ZBTB17: variants seen among roughly 807,000 people sequenced by gnomAD.
ZBTB17 encodes the protein zinc finger and BTB domain-containing protein 17.
ZBTB17 carries 24 observed loss-of-function variants against 85.1 expected under a neutral mutation model. That is an observed-to-expected ratio of 0.28 (90% confidence interval 0.20 to 0.40). The LOEUF is 0.40. Among genes scored for constraint, ZBTB17 ranks in the 10% least tolerant of loss-of-function variants. ZBTB17 has a pLI of 1.00. For missense variants in ZBTB17, 743 were observed against 1,105.1 expected, an observed-to-expected ratio of 0.67 and a Z score of 4.65; for synonymous variants, 464 against 460.2, an observed-to-expected ratio of 1.01 and a Z score of -0.11.
At chr1:15,965,311 CTG>C (rs2072404670) in intron 2 of ZBTB17, among the ~76,000 whole-genome samples, 1 of 152,214 alleles carries the variant, frequency 6.6e-6, no homozygotes, top group East Asian at 1.9e-4. Flanking sequence ...GCAAGACAAT[CTG>C]TTGTTTCCGA....
chr1:15,956,270 C>T (rs1287050533), intron 2 of ZBTB17, among the ~76,000 whole-genome samples: 1 of 152,236 alleles, frequency 6.6e-6, no homozygotes, highest in Admixed American at 6.5e-5. Context: ...GTTTAATAAA[C>T]TCACTGCAAG....
intron 9 of ZBTB17, 111 bp downstream of exon 9, chr1:15,944,174 GGGTGAACAAGCTGAT>G: frequency 7.4e-7 from 1 of 1,355,486 alleles, no homozygotes; most frequent in African/African-American, 1.8e-5. Context: ...CCTGTTTCCT[GGGTGAACAAGCTGAT>G]GAGCTCCTGG....
chr1:15,962,694 C>A (rs1309352005), intron 2 of ZBTB17, among the ~76,000 whole-genome samples: 1 of 152,178 alleles, frequency 6.6e-6, no homozygotes, highest in African/African-American at 2.4e-5. Context: ...AGATCCTGAG[C>A]CTGTACCAAA....
chr1:15,948,593 A>G, intron 2 of ZBTB17, 96 bp from the exon 3 acceptor site: 1 of 1,302,380 alleles, frequency 7.7e-7, no homozygotes, highest in Non-Finnish European at 1.1e-6. Context: ...CACCATGGAG[A>G]AGACAGAATT....
chr1:15,953,749 G>A lies in ZBTB17; in HGVS notation c.-2-5252C>T, dbSNP rs778230751. ...TGGATCTGGGTTCCACCAGCCACCC[G>A]CAGGTGATCTCCAGCAAAGCTTCTC... On this transcript the variant is annotated intron_variant, in intron 2 of 15. Coordinates refer to ENST00000375743, the MANE Select transcript of ZBTB17 (RefSeq NM_003443.3). The surrounding 1 kb of genome is among the most constrained non-coding windows in gnomAD (Gnocchi z 5.1). Among the ~76,000 whole-genome samples the A allele has an allele frequency of 2.6e-5, 4 of 152,196 alleles. No homozygotes were observed. Among genetic ancestry groups the A allele is most frequent in the Admixed American group, 6.5e-5 (1 of 15,284 alleles).
At chr1:15,957,251 C>T (rs1376516432) in intron 2 of ZBTB17, among the ~76,000 whole-genome samples, 1 of 151,884 alleles carries the variant, frequency 6.6e-6, no homozygotes, top group Non-Finnish European at 1.5e-5. Flanking sequence ...AAGCAAAGAC[C>T]TGAATGAGGT....
intron 2 of ZBTB17, among the ~76,000 whole-genome samples, chr1:15,967,905 G>C (rs940145240): frequency 6.6e-6 from 1 of 152,234 alleles, no homozygotes; most frequent in Admixed American, 6.5e-5. Flanking sequence ...TTAGGAGTTT[G>C]TGTTCCTAAC....
chr1:15,974,561 G>A (rs2072791793), intron 1 of ZBTB17, among the ~76,000 whole-genome samples: 2 of 151,532 alleles, frequency 1.3e-5, no homozygotes, highest in Admixed American at 1.3e-4. Context: ...CCAGACCACA[G>A]CTTGCTGCTG....
At chr1:15,954,930 G>A (rs759556161) in intron 2 of ZBTB17, among the ~76,000 whole-genome samples, 2 of 152,162 alleles carry the variant, frequency 1.3e-5, no homozygotes, top group African/African-American at 4.8e-5. Flanking sequence ...CGAGGCTGGC[G>A]GATCACTTGA....
rs2071479842 is a variant in ZBTB17, at chr1:15,944,102, T to C, written c.1371+198A>G. On this transcript the variant is annotated intron_variant, in intron 9 of 15. Coordinates refer to ENST00000375743, the MANE Select transcript of ZBTB17 (RefSeq NM_003443.3). ...ATTTTTTCAGGACCAAACCCCGCCC[T>C]GAGTCGGCCTGCCCTCCGCAGAGCA... 5 of 1,018,816 alleles carry C rather than the reference T, an allele frequency of 4.9e-6. No individual in the cohort carries two copies. The East Asian group carries it at 1.3e-4, about 26-fold the overall frequency. 63.1% of individuals were successfully genotyped at this position (1,018,816 alleles called of 1,614,324 possible).
chr1:15,947,361 A>G, intron 3 of ZBTB17: 1 of 527,580 alleles, frequency 1.9e-6, no homozygotes, highest in Admixed American at 3.1e-5. Flanking sequence ...CACAGAGAAC[A>G]AAAGGTGTGA....
At position 15,964,609 on chromosome 1, in the gene ZBTB17, T is replaced by A. The variant is rs974207005; in HGVS notation, c.-3+8430A>T. Among the ~76,000 whole-genome samples the A allele has an allele frequency of 6.6e-6, 1 of 151,850 alleles. No individual in the cohort carries two copies. The highest frequency in any genetic ancestry group is 2.4e-5 in the African/African-American group (1 of 41,296). On this transcript the variant is annotated intron_variant, in intron 2 of 15. Transcript: ENST00000375743. This position sits in a 1 kb window ranked among gnomAD's most constrained non-coding sequence, Gnocchi z 4.3. ...GCGTGTGCCTCTAGTCTCAGCTACT[T>A]GGGAGGCTGAGGCGGAAGGATAGCT...
intron 2 of ZBTB17, among the ~76,000 whole-genome samples, chr1:15,959,031 G>A (rs1321562318): frequency 1.3e-5 from 2 of 152,168 alleles, no homozygotes; most frequent in East Asian, 3.9e-4. Flanking sequence ...ATGGGATGAT[G>A]TCACCCCCAG....
Position 15,944,573 on chromosome 1 carries a change from C to T in ZBTB17, c.1098G>A (p.Glu366=), listed in dbSNP as rs2071508765. The change falls in exon 9 of 16, where the codon GAG becomes GAA. Residue 366 remains glutamate, a synonymous_variant. Coordinates refer to ENST00000375743, the MANE Select transcript of ZBTB17 (RefSeq NM_003443.3). ...HSPLKPYGCE[E]CGKSYRLISL... is the part of the protein sequence containing the mutation. The stretch of plus-strand genomic sequence containing the variant: ...TGATGAGGCGGTAGCTCTTCCCGCA[C>T]TCCTCGCAGCCGTAGGGCTTCAGAG... 1.3e-6 allele frequency: 2 copies of T among 1,598,466 alleles called. No homozygotes were observed. The highest frequency in any genetic ancestry group is 8.5e-7 in the Non-Finnish European group (1 of 1,178,994).
In ZBTB17 at chr1:15,973,766, C is replaced by T. The variant is rs1338460985; in HGVS notation, c.-89-641G>A. 6.6e-6 allele frequency among the ~76,000 whole-genome samples: 1 copy of T among 152,218 alleles called. No homozygotes were observed. Among genetic ancestry groups the T allele is most frequent in the East Asian group, 1.9e-4 (1 of 5,202 alleles). ...CAATTCTATCGCTAAAACCATCTCT[C>T]CTCACTCTCTGCCTTTAACTCACAC... is the stretch of plus-strand genomic sequence containing the variant. On this transcript the variant is annotated intron_variant, in intron 1 of 15. Transcript: ENST00000375743. This position sits in a 1 kb window ranked among gnomAD's most constrained non-coding sequence, Gnocchi z 4.1.
intron 2 of ZBTB17, among the ~76,000 whole-genome samples, chr1:15,955,085 C>T (rs1226754297): frequency 1.3e-5 from 2 of 151,610 alleles, no homozygotes; most frequent in African/African-American, 2.4e-5. Context: ...ACCCGGGAGG[C>T]GGAGGTAACA....
At position 15,943,788 on chromosome 1, in the gene ZBTB17, CAGGGCAG is replaced by C; in HGVS notation, c.1459+13_1459+19del. 10 of 1,612,572 alleles carry C rather than the reference CAGGGCAG, an allele frequency of 6.2e-6. No individual in the cohort carries two copies. Among genetic ancestry groups the C allele is most frequent in the Non-Finnish European group, 8.5e-6 (10 of 1,179,622 alleles). On this transcript the variant is annotated intron_variant, in intron 10 of 15. Transcript: ENST00000375743. ...CGAGGAGCAGGGGTGTGAGGGCAGC[CAGGGCAG>C]CCCTGGCCCTACCTGAGGTGGTGAA...
chr1:15,950,733 A>G lies in ZBTB17; in HGVS notation c.-2-2236T>C, dbSNP rs1171441397. 2.0e-5 allele frequency among the ~76,000 whole-genome samples: 3 copies of G among 152,212 alleles called. No individual in the cohort carries two copies. In the East Asian group the frequency reaches 5.8e-4, roughly 29 times the overall value. On this transcript the variant is annotated intron_variant, in intron 2 of 15. Transcript: ENST00000375743. ...TGGGGAGCATCAGCTGAACCCCCAGAGGTACAAAGAACCCTCTAGCAGGAA... is the reference window on the plus strand; with the variant it reads ...TGGGGAGCATCAGCTGAACCCCCAGGGGTACAAAGAACCCTCTAGCAGGAA...
chr1:15,944,578 C>T lies in ZBTB17; in HGVS notation c.1093G>A (p.Glu365Lys), dbSNP rs749217418. The change falls in exon 9 of 16, where the codon GAG (glutamate) becomes AAG (lysine). Residue 365 changes from glutamate (E) to lysine (K), a missense_variant. Around this residue, in one of 4 missense-constraint regions of ZBTB17, gnomAD observed 321 missense variants for 615.7 expected, o/e 0.52. Coordinates refer to ENST00000375743, the MANE Select transcript of ZBTB17 (RefSeq NM_003443.3). ...AGGCGGTAGCTCTTCCCGCACTCCTCGCAGCCGTAGGGCTTCAGAGGGCTG... is the reference window on the plus strand; with the variant it reads ...AGGCGGTAGCTCTTCCCGCACTCCTTGCAGCCGTAGGGCTTCAGAGGGCTG... The part of the protein sequence containing the change: ...THSPLKPYGC[E>K]ECGKSYRLIS... 6.3e-7 allele frequency: 1 copy of T among 1,598,556 alleles called. No homozygotes were observed. The highest frequency in any genetic ancestry group is 8.5e-7 in the Non-Finnish European group (1 of 1,179,068).
Sources: gnomAD v4.1 joint callset for allele counts (sites outside exome capture counted in the v4.1 genomes callset) on GRCh38, gnomAD v4.1.1 for gene constraint, gnomAD v4.1.1 regional missense constraint, Gnocchi (gnomAD v3.1) non-coding constraint, MANE v1.5 for transcripts, NCBI Gene and HGNC (gene_info 2026-07-23, HGNC 2026-07-21) for gene names.